Variants in LINGO2 observed in about 807,000 individuals in gnomAD.
LINGO2 encodes leucine-rich repeat and immunoglobulin-like domain-containing nogo receptor-interacting protein 2.
A neutral mutation model predicts 30.6 loss-of-function variants in LINGO2; 14 were observed. The observed-to-expected ratio is 0.46, with a 90% CI of 0.30 to 0.72. The LOEUF (loss-of-function observed/expected upper bound fraction) is 0.72. Ranked by LOEUF, LINGO2 falls within the 30% of genes least tolerant of loss-of-function variation. The pLI, the probability that LINGO2 is intolerant of heterozygous loss-of-function variation, is 0.07. For synonymous variants in LINGO2, 317 were observed against 288.5 expected, an observed-to-expected ratio of 1.10 and a Z score of -1.00; for missense variants, 729 against 751.7, an observed-to-expected ratio of 0.97 and a Z score of 0.35.
At chr9:28,635,484 CA>C (rs1404500782) in intron 1 of LINGO2, among the ~76,000 whole-genome samples, 1 of 151,826 alleles carries the variant, frequency 6.6e-6, no homozygotes, top group East Asian at 1.9e-4. Context: ...ATTCAGAGAA[CA>C]GGGGGAAACA....
chr9:28,813,069 T>TAAAAAA, the LINGO2 span, among the ~76,000 whole-genome samples: 1 of 144,144 alleles, frequency 6.9e-6, no homozygotes, highest in Non-Finnish European at 1.5e-5. Flanking sequence ...CCTACTGCAG[T>TAAAAAA]AAAAAAAAAA....
intron 4 of LINGO2, among the ~76,000 whole-genome samples, chr9:28,145,542 G>C (rs1827789358): frequency 6.6e-6 from 1 of 152,138 alleles, no homozygotes. Flanking sequence ...CTCTAATTCA[G>C]TTCTGAGATG....
At chr9:28,788,468 G>A in the LINGO2 span, among the ~76,000 whole-genome samples, 1 of 152,166 alleles carries the variant, frequency 6.6e-6, no homozygotes, top group African/African-American at 2.4e-5. Flanking sequence ...AGTAGAAAAG[G>A]TAGGCATTAA....
At chr9:29,164,820 T>A in the LINGO2 span, among the ~76,000 whole-genome samples, 8 of 152,140 alleles carry the variant, frequency 5.3e-5, no homozygotes, top group African/African-American at 1.9e-4. Flanking sequence ...TCCATAATTA[T>A]CTTATTGCTG....
chr9:29,135,738 C>A, the LINGO2 span, among the ~76,000 whole-genome samples: 1 of 152,026 alleles, frequency 6.6e-6, no homozygotes. Context: ...AATTATCTTG[C>A]AGAACTGAAC....
At chr9:29,142,880 T>A in the LINGO2 span, among the ~76,000 whole-genome samples, 4 of 152,090 alleles carry the variant, frequency 2.6e-5, no homozygotes, top group Admixed American at 2.6e-4. Flanking sequence ...ATAGATGACA[T>A]GTTGTATACA....
the LINGO2 span, among the ~76,000 whole-genome samples, chr9:28,791,524 A>T: frequency 6.6e-6 from 1 of 152,100 alleles, no homozygotes; most frequent in Non-Finnish European, 1.5e-5. Flanking sequence ...TTTACTCAAT[A>T]CTCACTCTCT....
At chr9:28,818,402 G>C in the LINGO2 span, among the ~76,000 whole-genome samples, 1 of 152,088 alleles carries the variant, frequency 6.6e-6, no homozygotes, top group Non-Finnish European at 1.5e-5. Flanking sequence ...GTTTGTTTTT[G>C]AGATGAAGTC....
At chr9:29,120,535 GGT>G in the LINGO2 span, among the ~76,000 whole-genome samples, 2 of 152,032 alleles carry the variant, frequency 1.3e-5, no homozygotes, top group African/African-American at 4.8e-5. Flanking sequence ...TACTAACTGT[GGT>G]CCAACTCTAT....
At chr9:29,162,983 G>C in the LINGO2 span, among the ~76,000 whole-genome samples, 1 of 152,158 alleles carries the variant, frequency 6.6e-6, no homozygotes, top group Non-Finnish European at 1.5e-5. Context: ...CAGAGAAAGA[G>C]AGAAAGCATA....
the LINGO2 span, among the ~76,000 whole-genome samples, chr9:29,195,540 C>A: frequency 1.3e-5 from 2 of 152,038 alleles, no homozygotes; most frequent in African/African-American, 4.8e-5. Context: ...TTCATAATGG[C>A]TGTGCCAATT....
At chr9:29,077,810 C>T in the LINGO2 span, among the ~76,000 whole-genome samples, 2 of 151,306 alleles carry the variant, frequency 1.3e-5, no homozygotes, top group South Asian at 2.1e-4. Context: ...CACAGGCACA[C>T]AGAATTATTT....
At chr9:28,238,620 C>T (rs970200870) in intron 4 of LINGO2, among the ~76,000 whole-genome samples, 1 of 151,860 alleles carries the variant, frequency 6.6e-6, no homozygotes, top group African/African-American at 2.4e-5. Context: ...CACAACATGC[C>T]AAAACCTATG....
intron 1 of LINGO2, among the ~76,000 whole-genome samples, chr9:28,544,110 C>G (rs1018882661): frequency 6.6e-6 from 1 of 151,558 alleles, no homozygotes; most frequent in Non-Finnish European, 1.5e-5. Flanking sequence ...AGCTGAGGCA[C>G]AAGTATCATT....
At chr9:28,202,567 C>G (rs770698519) in intron 4 of LINGO2, among the ~76,000 whole-genome samples, 20 of 152,076 alleles carry the variant, frequency 1.3e-4, no homozygotes, top group African/African-American at 2.2e-4. Context: ...CCCGTCCCCC[C>G]CGCCAGAAAG....
At chr9:27,984,240 G>C (rs999820146) in intron 5 of LINGO2, among the ~76,000 whole-genome samples, 3 of 151,846 alleles carry the variant, frequency 2.0e-5, no homozygotes, top group Non-Finnish European at 4.4e-5. Context: ...TGATCTATGA[G>C]GGTAACAGGT....
At chr9:28,848,061 A>ATAATG in the LINGO2 span, among the ~76,000 whole-genome samples, 2 of 49,736 alleles carry the variant, frequency 4.0e-5, no homozygotes, top group Non-Finnish European at 6.5e-5. Flanking sequence ...ATATATATAT[A>ATAATG]TGTATATAAT....
chr9:28,118,246 T>C (rs2133385630), intron 4 of LINGO2, among the ~76,000 whole-genome samples: 1 of 152,132 alleles, frequency 6.6e-6, no homozygotes, highest in Non-Finnish European at 1.5e-5. Flanking sequence ...AAAATAAAAA[T>C]TAGAGTCCAG....
intron 4 of LINGO2, among the ~76,000 whole-genome samples, chr9:28,105,239 T>TAA: frequency 6.6e-6 from 1 of 152,142 alleles, no homozygotes; most frequent in Non-Finnish European, 1.5e-5. Flanking sequence ...TGATGAGAAG[T>TAA]CACGTTATTA....
Sources: gnomAD v4.1 joint callset for allele counts (sites outside exome capture counted in the v4.1 genomes callset) on GRCh38, gnomAD v4.1.1 for gene constraint, MANE v1.5 for transcripts, NCBI Gene and HGNC (gene_info 2026-07-23, HGNC 2026-07-21) for gene names.